MX2: variants seen among roughly 807,000 people sequenced by gnomAD.
MX2 encodes MX dynamin like GTPase 2, also known as interferon-induced GTP-binding protein Mx2.
In MX2, 51 loss-of-function variants were observed where a neutral mutation model predicts 74.0. The ratio of observed to expected loss-of-function variants is 0.69; its 90% CI spans 0.55 to 0.87. The LOEUF is 0.87. MX2 is among the 40% of genes least tolerant of loss of function. MX2 has a pLI of 0.00. For missense variants in MX2, 832 were observed against 908.7 expected (o/e 0.92, Z 1.09); for synonymous variants, 369 against 339.3 (o/e 1.09, Z -0.96).
In MX2 at chr21:41,408,331, T is replaced by C; in HGVS notation, c.*98T>C. On this transcript the variant is annotated 3_prime_UTR_variant, in exon 14 of 14. Transcript: ENST00000330714. The stretch of plus-strand genomic sequence containing the variant: ...CTTCTGCTTTGGGGCCAAACTCTTC[T>C]GTCACTATCAGTGTCCATCTCTACT... 1 of 1,491,598 alleles carries C rather than the reference T, an allele frequency of 6.7e-7. No individual in the cohort carries two copies. Among genetic ancestry groups the C allele is most frequent in the Non-Finnish European group, 9.1e-7 (1 of 1,103,534 alleles). 92.4% of individuals were successfully genotyped at this position (1,491,598 alleles called of 1,614,324 possible).
chr21:41,377,199 G>A (rs763474710), intron 2 of MX2, 44 bp downstream of exon 2: 2 of 1,607,396 alleles, frequency 1.2e-6, no homozygotes, highest in Admixed American at 1.7e-5. Flanking sequence ...CATTCTGGCT[G>A]CCGGTGCAGA....
chr21:41,387,676 G>A (rs1601413942), intron 5 of MX2, among the ~76,000 whole-genome samples: 1 of 152,136 alleles, frequency 6.6e-6, no homozygotes, highest in African/African-American at 2.4e-5. Context: ...CCAGTCTCAT[G>A]ACTGTAAATA....
intron 2 of MX2, 126 bp from the exon 3 acceptor site, chr21:41,377,663 C>T: frequency 1.0e-6 from 1 of 967,528 alleles, no homozygotes; most frequent in Admixed American, 2.6e-5. Flanking sequence ...CCCCTCCATC[C>T]ACCTTCTCAC....
rs892334768 is a variant in MX2 at position 41,374,610 on chromosome 21, G to A, written c.-71-2226G>A. On this transcript the variant is annotated intron_variant, in intron 1 of 13. Transcript: ENST00000330714. Reference sequence around the variant, plus strand: ...AGTTGTCCCCAGTTGTCCCACCTCAGGATGGGAGGTTGCCCCAGGGGCTAG... The same window carrying A: ...AGTTGTCCCCAGTTGTCCCACCTCAAGATGGGAGGTTGCCCCAGGGGCTAG... Among the ~76,000 whole-genome samples, 6 of 152,238 alleles carry A rather than the reference G, an allele frequency of 3.9e-5. No individual in the cohort carries two copies. The East Asian group carries it at 9.6e-4, about 24-fold the overall frequency.
At chr21:41,395,406 G>A (rs1329007141) in intron 6 of MX2, among the ~76,000 whole-genome samples, 181 bp from the exon 7 acceptor site, 6 of 152,314 alleles carry the variant, frequency 3.9e-5, no homozygotes, top group African/African-American at 1.4e-4. Context: ...GGGTGAGATA[G>A]CGAGCCAATA....
intron 6 of MX2, among the ~76,000 whole-genome samples, chr21:41,393,145 G>GA (rs71878374): frequency 8.3e-5 from 10 of 120,170 alleles, no homozygotes; most frequent in Non-Finnish European, 1.5e-4. Flanking sequence ...AGAAAGAAAA[G>GA]AAAAAAAAAA....
rs2089613044 is a variant in MX2 at position 41,388,571 on chromosome 21, C to T, written c.733-1994C>T. Among the ~76,000 whole-genome samples, 1 of 152,192 alleles carries T rather than the reference C, an allele frequency of 6.6e-6. No individual in the cohort carries two copies. Among genetic ancestry groups the T allele is most frequent in the Admixed American group, 6.5e-5 (1 of 15,282 alleles). ...TCTCCATTGTGTTTATTGCCTGTCT[C>T]CCCTCCTGGGCTGTAAGGCTCTGGG... On this transcript the variant is annotated intron_variant, in intron 5 of 13. Transcript: ENST00000330714. The surrounding 1 kb of genome is among the most constrained non-coding windows in gnomAD (Gnocchi z 4.0).
intron 6 of MX2, among the ~76,000 whole-genome samples, chr21:41,393,354 C>T (rs1210059993): frequency 6.6e-6 from 1 of 152,060 alleles, no homozygotes; most frequent in East Asian, 1.9e-4. Flanking sequence ...GCTCCTGTGC[C>T]CTCTTAAGAC....
At chr21:41,379,805 C>T (rs559432420) in intron 3 of MX2, among the ~76,000 whole-genome samples, 5 of 152,340 alleles carry the variant, frequency 3.3e-5, no homozygotes, top group East Asian at 3.9e-4. Flanking sequence ...ACTCCGGCAG[C>T]GAACACTTCC....
intron 3 of MX2, among the ~76,000 whole-genome samples, chr21:41,379,153 G>A (rs972899285): frequency 4.6e-5 from 7 of 152,236 alleles, no homozygotes; most frequent in Non-Finnish European, 1.0e-4. Context: ...AGGCAGGAGA[G>A]AGTAAGGGTG....
chr21:41,376,668 T>C (rs1210497152), intron 1 of MX2, among the ~76,000 whole-genome samples, 168 bp from the exon 2 acceptor site: 1 of 152,162 alleles, frequency 6.6e-6, no homozygotes. Context: ...GCTCTGTGGC[T>C]GCCAAGAGCC....
chr21:41,400,830 C>T (rs538651303), intron 10 of MX2: 2 of 152,412 alleles, frequency 1.3e-5, no homozygotes, highest in African/African-American at 4.8e-5. Context: ...CCTCAGTCTT[C>T]CAAGTAGCTG....
intron 1 of MX2, among the ~76,000 whole-genome samples, chr21:41,373,554 A>G (rs2089354989): frequency 6.6e-6 from 1 of 152,052 alleles, no homozygotes; most frequent in African/African-American, 2.4e-5. Context: ...CTGTCCACAG[A>G]TCTTCCTGCT....
In MX2 at chr21:41,406,864, A is replaced by G; in HGVS notation, c.1771A>G (p.Lys591Glu). The change falls in exon 13 of 14, where the codon AAA (lysine) becomes GAA (glutamate). Residue 591 changes from lysine to glutamate, a missense_variant. Transcript: ENST00000330714. The part of the protein sequence containing the change: ...QDQIYSVVLK[K>E]VREEIFNPLG... ...TCAGATTTACAGTGTTGTTCTGAAG[A>G]AAGTCCGAGAAGAGATTTTTAACCC... 1 of 1,614,250 alleles carries G rather than the reference A, an allele frequency of 6.2e-7. No individual in the cohort carries two copies. The highest frequency in any genetic ancestry group is 2.2e-5 in the East Asian group (1 of 44,890).
At position 41,408,356 on chromosome 21, in the gene MX2, T is replaced by C. The variant is rs952024732; in HGVS notation, c.*123T>C. 7.5e-7 allele frequency: 1 copy of C among 1,326,046 alleles called. No individual in the cohort carries two copies. The highest frequency in any genetic ancestry group is 1.5e-5 in the African/African-American group (1 of 68,078). 82.1% of individuals were successfully genotyped at this position (1,326,046 alleles called of 1,614,324 possible). On this transcript the variant is annotated 3_prime_UTR_variant, in exon 14 of 14. Transcript: ENST00000330714. The stretch of plus-strand genomic sequence containing the variant: ...TGTCACTATCAGTGTCCATCTCTAC[T>C]GTACTCCCTCAGCATCAGAGCATGC...
chr21:41,391,896 A>G (rs1011973765), intron 6 of MX2, among the ~76,000 whole-genome samples: 1 of 151,554 alleles, frequency 6.6e-6, no homozygotes, highest in African/African-American at 2.4e-5. Context: ...GTAAACTTGT[A>G]TCATGGGGGT....
chr21:41,401,743 T>A (rs895208486), intron 10 of MX2: 1 of 459,762 alleles, frequency 2.2e-6, no homozygotes, highest in African/African-American at 2.0e-5. Flanking sequence ...GTGATGACTT[T>A]CAATTGAAAC....
rs559948439 is a variant in MX2, at chr21:41,380,702, G to A, written c.577+551G>A. ...ATGCAGACCCCTCTCACCCAGCTGTGGAACAAGTTTCCCAATGCTTGTTCT... is the reference window on the plus strand; with the variant it reads ...ATGCAGACCCCTCTCACCCAGCTGTAGAACAAGTTTCCCAATGCTTGTTCT... On this transcript the variant is annotated intron_variant, in intron 4 of 13. Transcript: ENST00000330714. This position sits in a 1 kb window ranked among gnomAD's most constrained non-coding sequence, Gnocchi z 4.3. 2.5e-4 allele frequency among the ~76,000 whole-genome samples: 38 copies of A among 152,298 alleles called. No homozygotes were observed. The highest frequency in any genetic ancestry group is 9.1e-4 in the African/African-American group (38 of 41,562).
In MX2 at chr21:41,380,062, C is replaced by T; in HGVS notation, c.488C>T (p.Pro163Leu). 1 of 1,614,052 alleles carries T rather than the reference C, an allele frequency of 6.2e-7. No homozygotes were observed. ...CTGGTGCTGAAACTGAAAAAGCAGCCCTGTGAGGCATGGGCCGGAAGGATC... is the reference window on the plus strand; with the variant it reads ...CTGGTGCTGAAACTGAAAAAGCAGCTCTGTGAGGCATGGGCCGGAAGGATC... Reference protein sequence around the residue: ...CPLVLKLKKQPCEAWAGRISY... With the variant: ...CPLVLKLKKQLCEAWAGRISY... The change falls in exon 4 of 14, where the codon CCC (proline) becomes CTC (leucine). Residue 163 changes from proline to leucine, a missense_variant. Coordinates refer to ENST00000330714, the MANE Select transcript of MX2 (RefSeq NM_002463.2). This position sits in a 1 kb window ranked among gnomAD's most constrained non-coding sequence, Gnocchi z 4.3.
Sources: allele counts gnomAD v4.1 joint callset (sites outside exome capture counted in the v4.1 genomes callset), GRCh38; gene constraint gnomAD v4.1.1; non-coding constraint Gnocchi (gnomAD v3.1); transcripts MANE v1.5; gene names NCBI Gene and HGNC (gene_info 2026-07-23, HGNC 2026-07-21).